The following RYR2 variants were observed in gnomAD, a reference collection of about 807,000 sequenced individuals.
RYR2 encodes cardiac muscle ryanodine receptor-calcium release channel.
A neutral mutation model predicts 601.1 loss-of-function variants in RYR2; 227 were observed. The ratio of observed to expected loss-of-function variants is 0.38; its 90% confidence interval spans 0.34 to 0.42. The LOEUF is 0.42. Ranked by LOEUF, RYR2 falls within the 10% of genes least tolerant of loss-of-function variation. RYR2 has a pLI of 1.00. For synonymous variants in RYR2, 2,223 were observed against 2,175.1 expected, an observed-to-expected ratio of 1.02 and a Z score of -0.61; for missense variants, 4,646 against 6,156.5, an observed-to-expected ratio of 0.75 and a Z score of 8.21.
intron 41 of RYR2, 66 bp downstream of exon 41, chr1:237,628,146 C>T (rs2148668070): frequency 2.6e-6 from 4 of 1,521,942 alleles, no homozygotes; most frequent in East Asian, 2.3e-5. Context: ...ACCTATAGAG[C>T]AGTACATTAA....
At chr1:237,114,912 G>A (rs1669887496) in intron 1 of RYR2, among the ~76,000 whole-genome samples, 1 of 152,198 alleles carries the variant, frequency 6.6e-6, no homozygotes. Flanking sequence ...TTAGCAGAAT[G>A]TGATGACTGA....
intron 1 of RYR2, among the ~76,000 whole-genome samples, chr1:237,254,206 AT>A (rs5781946): frequency 6.6e-6 from 1 of 151,776 alleles, no homozygotes; most frequent in Non-Finnish European, 1.5e-5. Flanking sequence ...GATTACTGTT[AT>A]TTTTTTTATT....
At chr1:237,157,925 A>G (rs2490367) in intron 1 of RYR2, among the ~76,000 whole-genome samples, 97,007 of 152,132 alleles carry the variant, frequency 0.64, 31,044 homozygotes, top group Non-Finnish European at 0.66. Context: ...AATGTTTGAG[A>G]TAATGTACAT....
At chr1:237,352,224 C>CTTTT (rs942939222) in intron 3 of RYR2, among the ~76,000 whole-genome samples, 1 of 151,800 alleles carries the variant, frequency 6.6e-6, no homozygotes, top group Non-Finnish European at 1.5e-5. Flanking sequence ...AAAGTGGATA[C>CTTTT]TTTTGGAATT....
At chr1:237,823,127 G>A (rs193214451) in intron 101 of RYR2, among the ~76,000 whole-genome samples, 63 of 152,016 alleles carry the variant, frequency 4.1e-4, no homozygotes, top group Non-Finnish European at 8.4e-4. Flanking sequence ...AGATCAATGA[G>A]AGAAAATTAA....
chr1:237,165,131 T>A (rs1676543545), intron 1 of RYR2, among the ~76,000 whole-genome samples: 1 of 152,084 alleles, frequency 6.6e-6, no homozygotes, highest in Non-Finnish European at 1.5e-5. Flanking sequence ...TAATTAATTT[T>A]TTTTTTTGTA....
At chr1:237,656,976 A>G (rs1031846496) in intron 53 of RYR2, among the ~76,000 whole-genome samples, 13 of 152,206 alleles carry the variant, frequency 8.5e-5, no homozygotes, top group Non-Finnish European at 1.9e-4. Flanking sequence ...TACATGGGTA[A>G]GTTTGTGGTT....
chr1:237,542,656 G>C (rs547466727), intron 25 of RYR2, among the ~76,000 whole-genome samples: 11 of 152,166 alleles, frequency 7.2e-5, no homozygotes, highest in South Asian at 4.1e-4. Context: ...GTTCCTTCTC[G>C]TGCCTCATCC....
At chr1:237,573,231 TAC>T (rs10556537) in intron 29 of RYR2, among the ~76,000 whole-genome samples, 6,044 of 148,774 alleles carry the variant, frequency 0.041, 324 homozygotes, top group African/African-American at 0.12. Context: ...GATATACACA[TAC>T]ACACACACAC....
chr1:237,555,857 T>C (rs1054748354), intron 27 of RYR2, among the ~76,000 whole-genome samples: 2 of 152,134 alleles, frequency 1.3e-5, no homozygotes, highest in African/African-American at 4.8e-5. Context: ...TTATGGTCAG[T>C]ATCCAGGAAA....
chr1:237,232,653 C>T (rs1265823659), intron 1 of RYR2, among the ~76,000 whole-genome samples: 1 of 152,112 alleles, frequency 6.6e-6, no homozygotes. Flanking sequence ...GTTAGAAGTT[C>T]CCAAGGCCCT....
intron 74 of RYR2, 144 bp downstream of exon 74, chr1:237,723,406 C>T (rs939398246): frequency 1.9e-6 from 1 of 534,326 alleles, no homozygotes; most frequent in Admixed American, 3.5e-5. Context: ...GTCCGGTGTG[C>T]TTAGTATTTC....
intron 2 of RYR2, among the ~76,000 whole-genome samples, chr1:237,277,978 A>G (rs1239007549): frequency 1.3e-5 from 2 of 152,218 alleles, no homozygotes; most frequent in Non-Finnish European, 2.9e-5. Context: ...GTGCTAATAA[A>G]TTAATTTCCT....
intron 7 of RYR2, among the ~76,000 whole-genome samples, chr1:237,376,217 A>G (rs1701024790): frequency 6.6e-6 from 1 of 152,246 alleles, no homozygotes; most frequent in African/African-American, 2.4e-5. Context: ...CATTCAGGTT[A>G]GATTATGGTT....
At chr1:237,714,045 T>C (rs1203663942) in intron 71 of RYR2, among the ~76,000 whole-genome samples, 1 of 152,134 alleles carries the variant, frequency 6.6e-6, no homozygotes, top group Admixed American at 6.5e-5. Flanking sequence ...AAAACTGTGC[T>C]TTCTGTTCAT....
intron 26 of RYR2, among the ~76,000 whole-genome samples, chr1:237,549,441 G>A (rs1670152811): frequency 6.6e-6 from 1 of 151,938 alleles, no homozygotes; most frequent in African/African-American, 2.4e-5. Context: ...TGGGCATGGG[G>A]CACATGCCTG....
At chr1:237,628,767 G>T (rs1156524043) in intron 41 of RYR2, among the ~76,000 whole-genome samples, 2 of 151,710 alleles carry the variant, frequency 1.3e-5, no homozygotes, top group African/African-American at 2.4e-5. Flanking sequence ...TTGATCCATA[G>T]GTCTGTGTGG....
rs111601251 is a variant in RYR2 at position 237,375,186 on chromosome 1, A to G, written c.463+391A>G. On this transcript the variant is annotated intron_variant, in intron 7 of 104. Transcript: ENST00000366574. ...TTGATGCCAACATTCAAATAAAAAG[A>G]TAAAAAATGAAAGTCTCCTTAATTT... Among the ~76,000 whole-genome samples the G allele has an allele frequency of 1.3e-3, 198 of 152,368 alleles. 1 individual carries two copies. The highest frequency in any genetic ancestry group is 4.6e-3 in the African/African-American group (192 of 41,600).
intron 16 of RYR2, among the ~76,000 whole-genome samples, chr1:237,459,900 G>A (rs565591576): frequency 2.0e-5 from 3 of 152,234 alleles, no homozygotes; most frequent in East Asian, 1.9e-4. Flanking sequence ...TAAATAGAAC[G>A]AGAAAGGAGC....
Sources: gnomAD v4.1 joint callset for allele counts (sites outside exome capture counted in the v4.1 genomes callset) on GRCh38, gnomAD v4.1.1 for gene constraint, MANE v1.5 for transcripts, NCBI Gene and HGNC (gene_info 2026-07-23, HGNC 2026-07-21) for gene names.